Variants in CCDC66 observed in about 807,000 individuals in gnomAD.
CCDC66 encodes coiled-coil domain containing 66, also known as coiled-coil domain-containing protein 66.
CCDC66 carries 133 observed loss-of-function variants against 128.3 expected under a neutral mutation model. The observed-to-expected ratio is 1.04, with a 90% CI of 0.90 to 1.20. The LOEUF (loss-of-function observed/expected upper bound fraction) is 1.20, where lower values mean the gene tolerates loss of function less well. Among genes scored for constraint, CCDC66 ranks in the 50% most tolerant of loss-of-function variants. The pLI is 0.00. For missense variants in CCDC66, 1,126 were observed against 1,075.5 expected (o/e 1.05, Z -0.66); for synonymous variants, 387 against 357.0 (o/e 1.08, Z -0.95).
intron 10 of CCDC66, among the ~76,000 whole-genome samples, chr3:56,601,936 C>A (rs1453892556): frequency 6.6e-6 from 1 of 152,070 alleles, no homozygotes; most frequent in African/African-American, 2.4e-5. Context: ...TTAACTTCCT[C>A]TTTTCCTATT....
intron 10 of CCDC66, among the ~76,000 whole-genome samples, chr3:56,603,037 G>T (rs749526823): frequency 6.6e-6 from 1 of 151,690 alleles, no homozygotes; most frequent in African/African-American, 2.4e-5. Context: ...GGGTTTCACC[G>T]TGTTAGCCAG....
chr3:56,592,216 C>A (rs1307144089), intron 7 of CCDC66, among the ~76,000 whole-genome samples: 2 of 152,218 alleles, frequency 1.3e-5, no homozygotes, highest in African/African-American at 4.8e-5. Flanking sequence ...GGGAAAGTCT[C>A]TTGCTCTCAC....
At chr3:56,620,443 C>T (rs2076277855) in intron 17 of CCDC66, 1 of 152,400 alleles carries the variant, frequency 6.6e-6, no homozygotes. Flanking sequence ...TTGCTCCATC[C>T]CTTGGGCTTT....
chr3:56,615,097 G>A (rs1486131758), intron 11 of CCDC66, 31 bp from the exon 12 acceptor site: 2 of 1,603,624 alleles, frequency 1.2e-6, no homozygotes, highest in South Asian at 2.2e-5. Context: ...ATGTTTAATA[G>A]ATGAATTTAG....
chr3:56,616,149 C>T lies in CCDC66; in HGVS notation c.1843+96C>T, dbSNP rs1578031935. On this transcript the variant is annotated intron_variant, in intron 13 of 17. Coordinates refer to ENST00000394672, the MANE Select transcript of CCDC66 (RefSeq NM_001141947.3). ...TTCAATTTAAAAGTTCAAAAATTAA[C>T]AAAACTTGAGGTTTTCAGTAAGAGT... 6.8e-6 allele frequency: 8 copies of T among 1,183,748 alleles called. No individual in the cohort carries two copies. The Middle Eastern group carries it at 7.2e-4, about 107-fold the overall frequency. 73.3% of individuals were successfully genotyped at this position (1,183,748 alleles called of 1,614,324 possible).
At chr3:56,597,264 G>C (rs925624352) in intron 10 of CCDC66, among the ~76,000 whole-genome samples, 1 of 152,016 alleles carries the variant, frequency 6.6e-6, no homozygotes, top group African/African-American at 2.4e-5. Flanking sequence ...CTATATGTCT[G>C]TTTTTATACC....
chr3:56,610,579 ATTTCT>A (rs762364386), intron 10 of CCDC66, among the ~76,000 whole-genome samples: 5 of 151,794 alleles, frequency 3.3e-5, no homozygotes, highest in Non-Finnish European at 5.9e-5. Context: ...TAAATCAGGG[ATTTCT>A]TTTTGGTTTA....
chr3:56,619,818 A>G lies in CCDC66; in HGVS notation c.2677A>G (p.Arg893Gly). The change falls in exon 17 of 18, where the codon AGG becomes GGG. Residue 893 changes from arginine to glycine, a missense_variant. Transcript: ENST00000394672. ...ACAGCTATTTGATTCTGACTGTGTC[A>G]GGGATCCACTTCTTAATCCTAACAT... ...KRQLFDSDCVRDPLLNPNMVK... is the reference protein window; with the variant it reads ...KRQLFDSDCVGDPLLNPNMVK... 6.2e-7 allele frequency: 1 copy of G among 1,614,152 alleles called. No homozygotes were observed. Among genetic ancestry groups the G allele is most frequent in the Non-Finnish European group, 8.5e-7 (1 of 1,180,002 alleles).
At chr3:56,610,655 A>G (rs1305708101) in intron 10 of CCDC66, among the ~76,000 whole-genome samples, 1 of 152,050 alleles carries the variant, frequency 6.6e-6, no homozygotes, top group East Asian at 1.9e-4. Flanking sequence ...TTGTTTTATT[A>G]TATTACCACA....
intron 7 of CCDC66, among the ~76,000 whole-genome samples, chr3:56,584,011 C>T (rs1419943773): frequency 1.5e-5 from 1 of 66,516 alleles, no homozygotes; most frequent in African/African-American, 5.8e-5. Flanking sequence ...GCTGGCCGGG[C>T]GGGGGGCTGC....
chr3:56,619,098 A>T, intron 15 of CCDC66, 173 bp from the exon 16 acceptor site: 1 of 554,820 alleles, frequency 1.8e-6, no homozygotes, highest in Non-Finnish European at 3.1e-6. Context: ...TGCGCCTGTA[A>T]TCCCAGCTAC....
chr3:56,566,159 C>G (rs2065832543), intron 4 of CCDC66, among the ~76,000 whole-genome samples: 1 of 76,314 alleles, frequency 1.3e-5, no homozygotes, highest in African/African-American at 3.4e-5. Context: ...GACATCTGGC[C>G]CAGACTGGAG....
intron 1 of CCDC66, chr3:56,558,612 G>A (rs574453465): frequency 1.8e-4 from 87 of 481,682 alleles, no homozygotes; most frequent in African/African-American, 1.5e-3. Context: ...GAGATTTCAG[G>A]TTAATGATAA....
Position 56,597,777 on chromosome 3 carries a change from G to GT in CCDC66, c.1404+3764dup, listed in dbSNP as rs3064563. Among the ~76,000 whole-genome samples the GT allele has an allele frequency of 6.0e-4, 53 of 87,966 alleles. 5 individuals carry two copies. The South Asian group carries it at 0.015, about 26-fold the overall frequency. The allele number at this position is 87,966 out of a possible 152,430, so 57.7% of individuals were successfully genotyped here. On this transcript the variant is annotated intron_variant, in intron 10 of 17. Coordinates refer to ENST00000394672, the MANE Select transcript of CCDC66 (RefSeq NM_001141947.3). ...TGTGGAGTCTAGGTTTTGTTTTGGG[G>GT]TTTTTTTTTTTTTTTGAGACAGAGC...
rs751719077 is a variant in CCDC66, at chr3:56,593,774, C to T, written c.1319+33C>T. ...CATGCTTATGTATTTATTGACTTTTCAGAAAGTCTGTGTGCTTTAGTAAGA... is the reference window on the plus strand; with the variant it reads ...CATGCTTATGTATTTATTGACTTTTTAGAAAGTCTGTGTGCTTTAGTAAGA... On this transcript the variant is annotated intron_variant, in intron 9 of 17. Transcript: ENST00000394672. The T allele has an allele frequency of 4.4e-6, 7 of 1,601,168 alleles. No homozygotes were observed. The Admixed American group carries it at 6.7e-5, about 15-fold the overall frequency.
rs138899390 is a variant in CCDC66, at chr3:56,557,990, G to C, written c.11+737G>C. On this transcript the variant is annotated intron_variant, in intron 1 of 17. Coordinates refer to ENST00000394672, the MANE Select transcript of CCDC66 (RefSeq NM_001141947.3). ...ACCATTGAAGCTCTTTTCTTTCTTG[G>C]TGACGTTTCACCAACATAAACACGA... The C allele has an allele frequency of 5.3e-5, 8 of 152,252 alleles. 1 individual carries two copies. The highest frequency in any genetic ancestry group is 1.9e-4 in the African/African-American group (8 of 41,528). 9.4% of individuals were successfully genotyped at this position (152,252 alleles called of 1,614,324 possible). A position where few individuals can be genotyped will look rare whatever the true frequency, so the allele number is the denominator to read the frequency against.
intron 17 of CCDC66, 92 bp from the exon 18 acceptor site, chr3:56,621,440 T>C (rs1483027920): frequency 1.8e-5 from 16 of 878,500 alleles, no homozygotes; most frequent in Non-Finnish European, 3.4e-6. Flanking sequence ...CTAAGCGATA[T>C]GTTTTCCAAG....
chr3:56,578,617 A>G (rs1485554069), intron 7 of CCDC66, among the ~76,000 whole-genome samples: 1 of 151,812 alleles, frequency 6.6e-6, no homozygotes, highest in African/African-American at 2.4e-5. Flanking sequence ...TTTTAGCATG[A>G]AGGAGTGTTG....
In CCDC66 at chr3:56,583,162, T is replaced by C. The variant is rs116361321; in HGVS notation, c.937-9808T>C. ...GATTATAGGCTTGAGCTGCTGTGCC[T>C]GGCCAACTTTCTGACTTTTAAAAAT... On this transcript the variant is annotated intron_variant, in intron 7 of 17. Coordinates refer to ENST00000394672, the MANE Select transcript of CCDC66 (RefSeq NM_001141947.3). 7.2e-3 allele frequency among the ~76,000 whole-genome samples: 1,092 copies of C among 151,834 alleles called. 18 individuals are homozygous for C. Among genetic ancestry groups the C allele is most frequent in the African/African-American group, 0.025 (1,036 of 41,510 alleles).
Sources: allele counts gnomAD v4.1 joint callset (sites outside exome capture counted in the v4.1 genomes callset), GRCh38; gene constraint gnomAD v4.1.1; transcripts MANE v1.5; gene names NCBI Gene and HGNC (gene_info 2026-07-23, HGNC 2026-07-21).